Variants in ASAP1 observed in about 807,000 individuals in gnomAD.
ASAP1 encodes arf-GAP with SH3 domain, ANK repeat and PH domain-containing protein 1.
In ASAP1, 43 loss-of-function variants were observed where a neutral mutation model predicts 145.2. The ratio of observed to expected loss-of-function variants is 0.30; its 90% confidence interval spans 0.23 to 0.38. The LOEUF (loss-of-function observed/expected upper bound fraction) is 0.38. Among genes scored for constraint, ASAP1 ranks in the 10% least tolerant of loss-of-function variants. The pLI, the probability that ASAP1 is intolerant of heterozygous loss-of-function variation, is 1.00. For synonymous variants in ASAP1, 546 were observed against 515.5 expected (o/e 1.06, Z -0.80); for missense variants, 1,018 against 1,355.3 (o/e 0.75, Z 3.91).
At chr8:130,104,533 G>A (rs1428166968) in intron 24 of ASAP1, among the ~76,000 whole-genome samples, 1 of 152,190 alleles carries the variant, frequency 6.6e-6, no homozygotes, top group Non-Finnish European at 1.5e-5. Flanking sequence ...ATGGAAACTG[G>A]ACACAGCAAT....
At chr8:130,137,987 A>G (rs1183334461) in intron 13 of ASAP1, among the ~76,000 whole-genome samples, 1 of 151,966 alleles carries the variant, frequency 6.6e-6, no homozygotes, top group Non-Finnish European at 1.5e-5. Context: ...AAGCAATGAA[A>G]CTCTTTAATT....
intron 3 of ASAP1, among the ~76,000 whole-genome samples, chr8:130,330,233 T>C (rs1824595940): frequency 6.6e-6 from 1 of 152,252 alleles, no homozygotes; most frequent in South Asian, 2.1e-4. Flanking sequence ...ACTACCCATC[T>C]AATGGGAGTC....
At chr8:130,144,392 C>T (rs140564730) in intron 13 of ASAP1, among the ~76,000 whole-genome samples, 2,289 of 152,266 alleles carry the variant, frequency 0.015, 26 homozygotes, top group Non-Finnish European at 0.024. Context: ...TGTTCCCAAA[C>T]CCATTTCATA....
intron 3 of ASAP1, among the ~76,000 whole-genome samples, chr8:130,256,755 A>ATATATATATATTCT (rs1412557137): frequency 6.7e-5 from 6 of 89,780 alleles, no homozygotes; most frequent in African/African-American, 2.4e-4. Context: ...ATATATATAT[A>ATATATATATATTCT]TATATATATA....
chr8:130,125,827 C>T lies in ASAP1; in HGVS notation c.1515+129G>A, dbSNP rs76079340. On this transcript the variant is annotated intron_variant, in intron 17 of 29. Transcript: ENST00000518721. ...ACAAAAGTTACATTTTAAACGTCTA[C>T]GCAAACTCACAAAATTCAGGAATTA... The T allele has an allele frequency of 6.1e-4, 581 of 950,642 alleles. No homozygotes were observed. The African/African-American group carries it at 8.7e-3, about 14-fold the overall frequency. 58.9% of individuals were successfully genotyped at this position (950,642 alleles called of 1,614,324 possible).
At chr8:130,363,093 T>C (rs967556254) in intron 2 of ASAP1, among the ~76,000 whole-genome samples, 1 of 152,212 alleles carries the variant, frequency 6.6e-6, no homozygotes, top group Non-Finnish European at 1.5e-5. Flanking sequence ...ATGGGGGCAA[T>C]GACAACCCCT....
At chr8:130,247,467 C>T (rs1367643787) in intron 3 of ASAP1, among the ~76,000 whole-genome samples, 1 of 152,032 alleles carries the variant, frequency 6.6e-6, no homozygotes, top group East Asian at 1.9e-4. Context: ...ATATTCATAA[C>T]CATGTTGCTC....
At chr8:130,406,927 C>T (rs1335425867) in intron 1 of ASAP1, among the ~76,000 whole-genome samples, 1 of 152,182 alleles carries the variant, frequency 6.6e-6, no homozygotes, top group Non-Finnish European at 1.5e-5. Context: ...CCAGTCCGAG[C>T]TGAAATTCCA....
intron 7 of ASAP1, 75 bp downstream of exon 7, chr8:130,187,161 G>GTTTTTTTTTT: frequency 9.2e-7 from 1 of 1,089,500 alleles, no homozygotes; most frequent in Non-Finnish European, 1.3e-6. Flanking sequence ...TTCCAGTTAA[G>GTTTTTTTTTT]TTTTTTTTTT....
intron 27 of ASAP1, among the ~76,000 whole-genome samples, chr8:130,065,602 A>T (rs906129271): frequency 6.6e-6 from 1 of 152,206 alleles, no homozygotes; most frequent in Non-Finnish European, 1.5e-5. Flanking sequence ...GGAACTGTGG[A>T]CGGATACCAA....
chr8:130,391,566 T>C (rs1232360010), intron 2 of ASAP1, among the ~76,000 whole-genome samples: 1 of 150,274 alleles, frequency 6.7e-6, no homozygotes, highest in Non-Finnish European at 1.5e-5. Flanking sequence ...TGGAAAAACT[T>C]TGGTTCTCAA....
chr8:130,165,013 AG>A (rs1377543512), intron 11 of ASAP1, among the ~76,000 whole-genome samples: 2 of 152,244 alleles, frequency 1.3e-5, no homozygotes, highest in Non-Finnish European at 2.9e-5. Context: ...AGCATGAGAA[AG>A]GAACAGGCAT....
At chr8:130,287,511 G>A (rs1327419894) in intron 3 of ASAP1, among the ~76,000 whole-genome samples, 1 of 152,058 alleles carries the variant, frequency 6.6e-6, no homozygotes, top group Non-Finnish European at 1.5e-5. Context: ...TTTGGGGGGA[G>A]GCCTAGTTAG....
At chr8:130,438,437 A>C (rs1830388295) in intron 1 of ASAP1, among the ~76,000 whole-genome samples, 1 of 152,074 alleles carries the variant, frequency 6.6e-6, no homozygotes, top group Non-Finnish European at 1.5e-5. Flanking sequence ...GAGGTTAGGG[A>C]CCTGGCTGCA....
chr8:130,391,049 G>C (rs1473770363), intron 2 of ASAP1, among the ~76,000 whole-genome samples: 3 of 151,748 alleles, frequency 2.0e-5, no homozygotes, highest in Non-Finnish European at 4.4e-5. Context: ...ATCCACGGAT[G>C]ACTGGATAAA....
intron 3 of ASAP1, among the ~76,000 whole-genome samples, chr8:130,323,372 T>G (rs1045930119): frequency 2.6e-5 from 4 of 152,226 alleles, no homozygotes; most frequent in Admixed American, 6.5e-5. Context: ...TAGCCACTTT[T>G]CTGAAAAGAA....
At chr8:130,300,143 CACACACACACAGAGAG>C (rs1182483586) in intron 3 of ASAP1, among the ~76,000 whole-genome samples, 6 of 111,658 alleles carry the variant, frequency 5.4e-5, no homozygotes, top group South Asian at 2.9e-4. Context: ...CACACACACA[CACACACACACAGAGAG>C]AGAGAGAGAG....
intron 9 of ASAP1, among the ~76,000 whole-genome samples, chr8:130,176,687 T>C (rs1275878861): frequency 1.8e-5 from 2 of 114,072 alleles, no homozygotes; most frequent in Non-Finnish European, 1.7e-5. Flanking sequence ...TCTCTCTTCC[T>C]GTTTTTTTTT....
At chr8:130,396,800 C>T (rs372144596) in intron 2 of ASAP1, among the ~76,000 whole-genome samples, 98 of 152,222 alleles carry the variant, frequency 6.4e-4, no homozygotes, top group African/African-American at 2.2e-3. Flanking sequence ...AATGACAGGG[C>T]GTCTGCTTGA....
Sources: allele counts gnomAD v4.1 joint callset (sites outside exome capture counted in the v4.1 genomes callset), GRCh38; gene constraint gnomAD v4.1.1; transcripts MANE v1.5; gene names NCBI Gene and HGNC (gene_info 2026-07-23, HGNC 2026-07-21).